Variants in PDGFB observed in about 807,000 individuals in gnomAD.
The protein encoded by PDGFB is platelet derived growth factor subunit B.
Under a neutral mutation model 29.0 loss-of-function variants are expected in PDGFB, and 6 were observed. The observed-to-expected ratio is 0.21, with a 90% CI of 0.11 to 0.41. The LOEUF (loss-of-function observed/expected upper bound fraction) is 0.41, where lower values mean the gene tolerates loss of function less well. Ranked by LOEUF, PDGFB falls within the 10% of genes least tolerant of loss-of-function variation. The pLI is 1.00. For synonymous variants in PDGFB, 144 were observed against 140.8 expected (o/e 1.02, Z -0.16); for missense variants, 299 against 341.8 (o/e 0.87, Z 0.99).
chr22:39,238,754 G>C lies in PDGFB; in HGVS notation c.64-2880C>G, dbSNP rs188800440. Reference sequence around the variant, plus strand: ...TCAGCATCACACAAGGTTCGTGTTGGCTCTTTACTCTGCAGCATGTCCCAC... The same window carrying C: ...TCAGCATCACACAAGGTTCGTGTTGCCTCTTTACTCTGCAGCATGTCCCAC... On this transcript the variant is annotated intron_variant, in intron 1 of 6. Coordinates refer to ENST00000331163, the MANE Select transcript of PDGFB (RefSeq NM_002608.4). Among the ~76,000 whole-genome samples, 24 of 152,340 alleles carry C rather than the reference G, an allele frequency of 1.6e-4. 1 individual carries two copies. Among genetic ancestry groups the C allele is most frequent in the Admixed American group, 1.2e-3 (19 of 15,304 alleles).
At chr22:39,238,381 C>G (rs563146135) in intron 1 of PDGFB, among the ~76,000 whole-genome samples, 7 of 152,054 alleles carry the variant, frequency 4.6e-5, no homozygotes, top group African/African-American at 1.7e-4. Flanking sequence ...GCAGGGAGAC[C>G]GTCCCTGAAG....
intron 2 of PDGFB, 61 bp from the exon 3 acceptor site, chr22:39,233,585 C>CCTGCCCAGACACCCCGG: frequency 1.6e-6 from 2 of 1,229,962 alleles, no homozygotes; most frequent in Non-Finnish European, 2.3e-6. Flanking sequence ...GCTCCCTCCG[C>CCTGCCCAGACACCCCGG]CGGGGTGTCT....
rs370954540 is a variant in PDGFB, at chr22:39,242,176, G to A, written c.63+1725C>T. On this transcript the variant is annotated intron_variant, in intron 1 of 6. Transcript: ENST00000331163. The surrounding 1 kb of genome is among the most constrained non-coding windows in gnomAD (Gnocchi z 5.7). Reference sequence around the variant, plus strand: ...TGCGGTGCGCGCGCGTGTGTCCCGCGTGTGCACGGGCGTGGCAGAGGCGGG... The same window carrying A: ...TGCGGTGCGCGCGCGTGTGTCCCGCATGTGCACGGGCGTGGCAGAGGCGGG... 2.6e-4 allele frequency: 57 copies of A among 219,448 alleles called. 1 individual carries two copies. The South Asian group carries it at 9.6e-3, about 37-fold the overall frequency. The allele number at this position is 219,448 out of a possible 1,614,324, so 13.6% of individuals were successfully genotyped here.
rs1457427797 is a variant in PDGFB, at chr22:39,243,349, C to T, written c.63+552G>A. ...CCCGAGACACAAGCTGCTTCCAGAC[C>T]GTGCTCTGGGGCCGGGCATGCCCTG... On this transcript the variant is annotated intron_variant, in intron 1 of 6. Coordinates refer to ENST00000331163, the MANE Select transcript of PDGFB (RefSeq NM_002608.4). This position sits in a 1 kb window ranked among gnomAD's most constrained non-coding sequence, Gnocchi z 6.4. Among the ~76,000 whole-genome samples, 1 of 151,948 alleles carries T rather than the reference C, an allele frequency of 6.6e-6. No individual in the cohort carries two copies. Among genetic ancestry groups the T allele is most frequent in the Non-Finnish European group, 1.5e-5 (1 of 67,942 alleles).
intron 5 of PDGFB, among the ~76,000 whole-genome samples, chr22:39,228,893 A>AAAAAAAAATATATATATATATATAT (rs1184799325): frequency 7.5e-6 from 1 of 132,520 alleles, no homozygotes; most frequent in Non-Finnish European, 1.7e-5. Flanking sequence ...CCTCAAAAAA[A>AAAAAAAAATATATATATATATATAT]ATATATATAT....
intron 4 of PDGFB, among the ~76,000 whole-genome samples, chr22:39,230,654 A>G (rs1487229627): frequency 6.6e-6 from 1 of 152,340 alleles, no homozygotes; most frequent in South Asian, 2.1e-4. Flanking sequence ...GTGTCCATCC[A>G]TAGAGCTGGA....
intron 2 of PDGFB, among the ~76,000 whole-genome samples, chr22:39,234,706 G>A (rs967455292): frequency 2.0e-5 from 3 of 152,228 alleles, no homozygotes; most frequent in East Asian, 1.9e-4. Flanking sequence ...GGGAAAAGAT[G>A]CGCTTTGTGG....
intron 5 of PDGFB, among the ~76,000 whole-genome samples, chr22:39,226,717 G>A (rs916242516): frequency 1.3e-5 from 2 of 152,156 alleles, no homozygotes; most frequent in Non-Finnish European, 2.9e-5. Flanking sequence ...AGCCCCGTCC[G>A]ATCACGTGGT....
intron 1 of PDGFB, among the ~76,000 whole-genome samples, chr22:39,239,077 A>G (rs1932509256): frequency 6.6e-6 from 1 of 152,222 alleles, no homozygotes; most frequent in Non-Finnish European, 1.5e-5. Flanking sequence ...TGGGGCTAAT[A>G]ATACCTCGCC....
rs1932320034 is a variant in PDGFB, at chr22:39,231,978, T to C, written c.251-151A>G. 1 of 644,406 alleles carries C rather than the reference T, an allele frequency of 1.6e-6. No individual in the cohort carries two copies. The highest frequency in any genetic ancestry group is 1.9e-5 in the South Asian group (1 of 52,506). The allele number at this position is 644,406 out of a possible 1,614,324, so 39.9% of individuals were successfully genotyped here. A position where few individuals can be genotyped will look rare whatever the true frequency, so the allele number is the denominator to read the frequency against. On this transcript the variant is annotated intron_variant, in intron 3 of 6. Transcript: ENST00000331163. The surrounding 1 kb of genome is among the most constrained non-coding windows in gnomAD (Gnocchi z 4.3). ...TTCAAGTCCTGGCTGTCATTAGCCA[T>C]GGGACTTGGGCAGATGGCTGAGCCA...
chr22:39,241,938 T>C (rs561380254), intron 1 of PDGFB, among the ~76,000 whole-genome samples: 7 of 150,372 alleles, frequency 4.7e-5, no homozygotes, highest in African/African-American at 1.5e-4. Context: ...GTGGTGCTGA[T>C]GGGAGGTTCT....
chr22:39,225,623 C>G, intron 6 of PDGFB, 72 bp downstream of exon 6: 2 of 1,417,542 alleles, frequency 1.4e-6, no homozygotes, highest in African/African-American at 1.4e-5. Flanking sequence ...ATCCTTTCCC[C>G]TGACCCCATC....
In PDGFB at chr22:39,242,541, C is replaced by T. The variant is rs979159841; in HGVS notation, c.63+1360G>A. Among the ~76,000 whole-genome samples, 1 of 150,674 alleles carries T rather than the reference C, an allele frequency of 6.6e-6. No homozygotes were observed. Among genetic ancestry groups the T allele is most frequent in the Non-Finnish European group, 1.5e-5 (1 of 67,516 alleles). ...CGGCCCGGCCGAGCCCCGCGTCCTC[C>T]CTCCCGGGTGCGGGCCGCGGGGGGC... On this transcript the variant is annotated intron_variant, in intron 1 of 6. Coordinates refer to ENST00000331163, the MANE Select transcript of PDGFB (RefSeq NM_002608.4). The surrounding 1 kb of genome is among the most constrained non-coding windows in gnomAD (Gnocchi z 5.7).
At position 39,233,341 on chromosome 22, in the gene PDGFB, C is replaced by A. The variant is rs1464274948; in HGVS notation, c.250+94G>T. ...GGGGGGAACGGGAGTTGTAAGAGGA[C>A]CCTCGGGGCCCTCCGACTGGCTGCC... is the stretch of plus-strand genomic sequence containing the variant. On this transcript the variant is annotated intron_variant, in intron 3 of 6. Coordinates refer to ENST00000331163, the MANE Select transcript of PDGFB (RefSeq NM_002608.4). The A allele has an allele frequency of 8.3e-6, 7 of 847,728 alleles. No individual in the cohort carries two copies. In the Admixed American group the frequency reaches 1.1e-4, roughly 14 times the overall value. The allele number at this position is 847,728 out of a possible 1,614,324, so 52.5% of individuals were successfully genotyped here.
At chr22:39,240,983 C>T (rs1569139936) in intron 1 of PDGFB, 1 of 1,267,814 alleles carries the variant, frequency 7.9e-7, no homozygotes, top group African/African-American at 1.5e-5. Flanking sequence ...ACCAGATCCT[C>T]CAAATTCTGT....
chr22:39,236,321 C>G (rs1330730883), intron 1 of PDGFB, among the ~76,000 whole-genome samples: 1 of 152,232 alleles, frequency 6.6e-6, no homozygotes, highest in Non-Finnish European at 1.5e-5. Context: ...TTGGCAAAAG[C>G]TGCATTCAAA....
At position 39,243,287 on chromosome 22, in the gene PDGFB, T is replaced by C. The variant is rs1158774801; in HGVS notation, c.63+614A>G. The stretch of plus-strand genomic sequence containing the variant: ...CTCTCTCTCTCTTTCTCTCTCTCTC[T>C]CTCTCTCTCCCTGTTACTCCCACCC... On this transcript the variant is annotated intron_variant, in intron 1 of 6. Coordinates refer to ENST00000331163, the MANE Select transcript of PDGFB (RefSeq NM_002608.4). This position sits in a 1 kb window ranked among gnomAD's most constrained non-coding sequence, Gnocchi z 6.4. Among the ~76,000 whole-genome samples the C allele has an allele frequency of 6.6e-6, 1 of 151,534 alleles. No homozygotes were observed. The highest frequency in any genetic ancestry group is 1.5e-5 in the Non-Finnish European group (1 of 67,864).
At chr22:39,227,207 C>T (rs1331558627) in intron 5 of PDGFB, among the ~76,000 whole-genome samples, 1 of 151,898 alleles carries the variant, frequency 6.6e-6, no homozygotes, top group Non-Finnish European at 1.5e-5. Context: ...GATCCACCTG[C>T]CTTGGCCTCC....
At chr22:39,241,148 C>T in intron 1 of PDGFB, 1 of 546,276 alleles carries the variant, frequency 1.8e-6, no homozygotes, top group East Asian at 3.0e-5. Flanking sequence ...CCAGACGCGT[C>T]ACGTGACAGT....
Sources: allele counts gnomAD v4.1 joint callset (sites outside exome capture counted in the v4.1 genomes callset), GRCh38; gene constraint gnomAD v4.1.1; non-coding constraint Gnocchi (gnomAD v3.1); transcripts MANE v1.5; gene names NCBI Gene and HGNC (gene_info 2026-07-23, HGNC 2026-07-21).